Variants in WDR72 observed in about 807,000 individuals in gnomAD.
WDR72 encodes WD repeat-containing protein 72.
A neutral mutation model predicts 124.2 loss-of-function variants in WDR72; 120 were observed. The ratio of observed to expected loss-of-function variants is 0.97; its 90% confidence interval spans 0.83 to 1.12. WDR72 has a LOEUF of 1.12. Ranked by LOEUF, WDR72 falls within the 50% of genes most tolerant of loss-of-function variation. WDR72 has a pLI of 0.00. For synonymous variants in WDR72, 452 were observed against 441.7 expected (o/e 1.02, Z -0.29); for missense variants, 1,387 against 1,278.8 (o/e 1.08, Z -1.29).
At chr15:53,545,817 G>GA (rs961254406) in intron 18 of WDR72, among the ~76,000 whole-genome samples, 1 of 126,130 alleles carries the variant, frequency 7.9e-6, no homozygotes, top group East Asian at 2.1e-4. Flanking sequence ...AAATTTACAA[G>GA]AAAAAAACAA....
At chr15:53,742,330 CTG>C (rs2018531946) in intron 1 of WDR72, among the ~76,000 whole-genome samples, 1 of 152,168 alleles carries the variant, frequency 6.6e-6, no homozygotes, top group Non-Finnish European at 1.5e-5. Flanking sequence ...TATAGAATCT[CTG>C]TGGTGCGGAG....
At chr15:53,639,245 G>A (rs971148005) in intron 14 of WDR72, among the ~76,000 whole-genome samples, 13 of 151,936 alleles carry the variant, frequency 8.6e-5, no homozygotes, top group African/African-American at 3.1e-4. Flanking sequence ...CCTATGTGCT[G>A]GGTGATGTGC....
intron 6 of WDR72, among the ~76,000 whole-genome samples, chr15:53,714,164 T>C (rs1595868582): frequency 7.3e-6 from 1 of 136,156 alleles, no homozygotes; most frequent in Non-Finnish European, 1.6e-5. Context: ...TTTTAAAAGA[T>C]TAAAAATGTA....
chr15:53,647,255 C>G (rs690112), intron 14 of WDR72, among the ~76,000 whole-genome samples: 1 of 151,998 alleles, frequency 6.6e-6, no homozygotes, highest in East Asian at 1.9e-4. Flanking sequence ...GTATTTATAT[C>G]CATTCATAAA....
Position 53,602,971 on chromosome 15 carries a change from T to TC in WDR72, c.2953-5698dup, listed in dbSNP as rs1490565989. ...AAAAAATAGAAAAGGAAAGGATTCG[T>TC]CCCTAACTCATTCTATGAGGCCAGC... is the stretch of plus-strand genomic sequence containing the variant. On this transcript the variant is annotated intron_variant, in intron 17 of 19. Transcript: ENST00000360509. Among the ~76,000 whole-genome samples, 4 of 152,104 alleles carry TC rather than the reference T, an allele frequency of 2.6e-5. No individual in the cohort carries two copies. The East Asian group carries it at 7.7e-4, about 29-fold the overall frequency.
chr15:53,551,500 G>A (rs1893726727), intron 18 of WDR72, among the ~76,000 whole-genome samples: 2 of 152,106 alleles, frequency 1.3e-5, no homozygotes, highest in Non-Finnish European at 2.9e-5. Context: ...AGAATCAGGA[G>A]ATGCGTAAAG....
intron 14 of WDR72, among the ~76,000 whole-genome samples, chr15:53,658,895 C>T (rs1170749510): frequency 2.0e-5 from 3 of 152,146 alleles, no homozygotes; most frequent in Non-Finnish European, 4.4e-5. Flanking sequence ...GAGAAAAGAA[C>T]AGGTTACTAT....
intron 11 of WDR72, among the ~76,000 whole-genome samples, chr15:53,704,079 C>A (rs2017265229): frequency 6.6e-6 from 1 of 152,176 alleles, no homozygotes; most frequent in Non-Finnish European, 1.5e-5. Context: ...AAGCACAAGT[C>A]AGTAACATTT....
chr15:53,559,281 T>C (rs1339176511), intron 18 of WDR72, among the ~76,000 whole-genome samples: 1 of 151,976 alleles, frequency 6.6e-6, no homozygotes, highest in Admixed American at 6.6e-5. Context: ...TCACACAAAC[T>C]GTAATGATGA....
intron 13 of WDR72, among the ~76,000 whole-genome samples, chr15:53,690,762 A>G (rs1420230770): frequency 6.6e-6 from 1 of 152,144 alleles, no homozygotes; most frequent in African/African-American, 2.4e-5. Flanking sequence ...TTCTACTGTA[A>G]ACATTTATGT....
chr15:53,538,885 A>G (rs1025198951), intron 18 of WDR72, among the ~76,000 whole-genome samples: 7 of 152,170 alleles, frequency 4.6e-5, no homozygotes. Context: ...ACATTTAGAT[A>G]TAAGTAGTGC....
chr15:53,603,595 T>C (rs915054277), intron 17 of WDR72, among the ~76,000 whole-genome samples: 3 of 152,284 alleles, frequency 2.0e-5, no homozygotes, highest in African/African-American at 7.2e-5. Context: ...GCCCATCATC[T>C]CAGCCCAAAA....
At chr15:53,734,807 CTA>C (rs2018302431) in intron 1 of WDR72, among the ~76,000 whole-genome samples, 1 of 4,036 alleles carries the variant, frequency 2.5e-4, no homozygotes, top group Non-Finnish European at 9.7e-4. Flanking sequence ...TGGGTTGGGA[CTA>C]AAAAAAAAAA....
intron 14 of WDR72, among the ~76,000 whole-genome samples, chr15:53,617,034 C>G (rs2013795195): frequency 6.6e-6 from 1 of 151,814 alleles, no homozygotes. Context: ...TGCTTCTATA[C>G]AGCATTATCA....
At position 53,517,433 on chromosome 15, in the gene WDR72, GA is replaced by G; in HGVS notation, c.*265del. 1 of 424,332 alleles carries G rather than the reference GA, an allele frequency of 2.4e-6. No homozygotes were observed. The highest frequency in any genetic ancestry group is 4.3e-6 in the Non-Finnish European group (1 of 230,076). 26.3% of individuals were successfully genotyped at this position (424,332 alleles called of 1,614,324 possible). A position where few individuals can be genotyped will look rare whatever the true frequency, so the allele number is the denominator to read the frequency against. On this transcript the variant is annotated 3_prime_UTR_variant, in exon 20 of 20. Transcript: ENST00000360509. ...GCATTCCCTGTTGGAAATATTAACA[GA>G]AAAAGTAAGAAACAGGAATAGAGAA... is the stretch of plus-strand genomic sequence containing the variant.
At chr15:53,703,943 C>G (rs1257333965) in intron 11 of WDR72, among the ~76,000 whole-genome samples, 1 of 152,036 alleles carries the variant, frequency 6.6e-6, no homozygotes, top group Non-Finnish European at 1.5e-5. Flanking sequence ...GGTAAATCAG[C>G]CTAGATAAAA....
At chr15:53,634,171 C>T (rs4776164) in intron 14 of WDR72, among the ~76,000 whole-genome samples, 3 of 151,944 alleles carry the variant, frequency 2.0e-5, no homozygotes, top group Admixed American at 6.6e-5. Flanking sequence ...TTAAAATAAC[C>T]TGGACATAAA....
At position 53,517,368 on chromosome 15, in the gene WDR72, A is replaced by G. The variant is rs373698477; in HGVS notation, c.*331T>C. 17 of 315,528 alleles carry G rather than the reference A, an allele frequency of 5.4e-5. No individual in the cohort carries two copies. Among genetic ancestry groups the G allele is most frequent in the Admixed American group, 4.4e-4 (10 of 22,922 alleles). 19.5% of individuals were successfully genotyped at this position (315,528 alleles called of 1,614,324 possible). A position where few individuals can be genotyped will look rare whatever the true frequency, so the allele number is the denominator to read the frequency against. ...ATAATTCAGGGACTAAAAGGATAGG[A>G]GAAAATTTAAAGCAGTATTAAATTT... On this transcript the variant is annotated 3_prime_UTR_variant, in exon 20 of 20. Coordinates refer to ENST00000360509, the MANE Select transcript of WDR72 (RefSeq NM_182758.4).
chr15:53,675,582 C>T (rs772393475), intron 13 of WDR72, among the ~76,000 whole-genome samples: 1 of 152,100 alleles, frequency 6.6e-6, no homozygotes, highest in Non-Finnish European at 1.5e-5. Context: ...AAATTTATTA[C>T]ACCAGGCATG....
Sources: gnomAD v4.1 joint callset for allele counts (sites outside exome capture counted in the v4.1 genomes callset) on GRCh38, gnomAD v4.1.1 for gene constraint, MANE v1.5 for transcripts, NCBI Gene and HGNC (gene_info 2026-07-23, HGNC 2026-07-21) for gene names.